The following PXDNL variants were observed in gnomAD, a reference collection of about 807,000 sequenced individuals.
PXDNL encodes peroxidasin like, also known as probable oxidoreductase PXDNL.
In PXDNL, 145 loss-of-function variants were observed where a neutral mutation model predicts 150.8. The observed-to-expected ratio is 0.96, with a 90% CI of 0.84 to 1.10. The LOEUF (loss-of-function observed/expected upper bound fraction) is 1.10. Ranked by LOEUF, PXDNL falls within the 50% of genes least tolerant of loss-of-function variation. The probability of loss-of-function intolerance (pLI) is 0.00; values close to 1 mark genes in which losing one functional copy is unlikely to be tolerated. For missense variants in PXDNL, 2,087 were observed against 1,873.9 expected, an observed-to-expected ratio of 1.11 and a Z score of -2.10; for synonymous variants, 757 against 725.7, an observed-to-expected ratio of 1.04 and a Z score of -0.69.
At chr8:51,666,299 C>T (rs1482590205) in intron 1 of PXDNL, among the ~76,000 whole-genome samples, 1 of 152,118 alleles carries the variant, frequency 6.6e-6, no homozygotes, top group Non-Finnish European at 1.5e-5. Context: ...GTTCTTCTGC[C>T]TGCCTCTGTA....
intron 21 of PXDNL, chr8:51,321,100 C>A (rs1563356180): frequency 4.3e-6 from 2 of 468,108 alleles, no homozygotes; most frequent in African/African-American, 4.0e-5. Context: ...ATAAACAGTT[C>A]TGTAGGTGTT....
intron 1 of PXDNL, among the ~76,000 whole-genome samples, chr8:51,795,462 C>A (rs2037551043): frequency 6.6e-6 from 1 of 152,178 alleles, no homozygotes; most frequent in South Asian, 2.1e-4. Flanking sequence ...GAATACAGTG[C>A]AATCAAATTA....
At chr8:51,534,465 C>A (rs1490645612) in intron 4 of PXDNL, among the ~76,000 whole-genome samples, 3 of 91,932 alleles carry the variant, frequency 3.3e-5, no homozygotes, top group African/African-American at 6.1e-5. Context: ...CCAGCCGCCC[C>A]GTCCGGGAGG....
intron 1 of PXDNL, among the ~76,000 whole-genome samples, chr8:51,658,744 T>C (rs771977093): frequency 3.3e-5 from 5 of 152,214 alleles, no homozygotes; most frequent in African/African-American, 4.8e-5. Context: ...TCATTTCCCA[T>C]GTTATATGGT....
intron 2 of PXDNL, among the ~76,000 whole-genome samples, chr8:51,615,374 GT>G (rs1201786271): frequency 2.0e-5 from 3 of 151,672 alleles, no homozygotes; most frequent in African/African-American, 7.3e-5. Context: ...TATGTAAATG[GT>G]TTTTGCCCAG....
chr8:51,419,432 T>G (rs1241749327), intron 14 of PXDNL, among the ~76,000 whole-genome samples: 1 of 152,200 alleles, frequency 6.6e-6, no homozygotes, highest in Non-Finnish European at 1.5e-5. Flanking sequence ...AACATAGAAA[T>G]TCTATGCCAA....
At chr8:51,549,553 G>A (rs572601269) in intron 4 of PXDNL, among the ~76,000 whole-genome samples, 1 of 151,984 alleles carries the variant, frequency 6.6e-6, no homozygotes, top group Non-Finnish European at 1.5e-5. Flanking sequence ...ACAAATACAT[G>A]GAAATTTAAA....
At chr8:51,468,463 A>G (rs996067938) in intron 8 of PXDNL, among the ~76,000 whole-genome samples, 3 of 150,554 alleles carry the variant, frequency 2.0e-5, no homozygotes, top group Admixed American at 2.0e-4. Flanking sequence ...TTGTTTACCT[A>G]TCGACTTTCC....
At chr8:51,704,980 C>T (rs1343688075) in intron 1 of PXDNL, among the ~76,000 whole-genome samples, 1 of 152,156 alleles carries the variant, frequency 6.6e-6, no homozygotes, top group Non-Finnish European at 1.5e-5. Context: ...ATACTGGAGC[C>T]ATTCAAGTAA....
At chr8:51,652,935 A>C (rs1030667612) in intron 2 of PXDNL, among the ~76,000 whole-genome samples, 1 of 152,326 alleles carries the variant, frequency 6.6e-6, no homozygotes, top group Admixed American at 6.5e-5. Context: ...AAAGTGGCCA[A>C]ACCCCAATAG....
At chr8:51,562,779 T>A (rs1398136238) in intron 3 of PXDNL, among the ~76,000 whole-genome samples, 1 of 151,968 alleles carries the variant, frequency 6.6e-6, no homozygotes, top group Non-Finnish European at 1.5e-5. Flanking sequence ...TAACCTACCA[T>A]GGGACCATAG....
chr8:51,778,762 A>G (rs2037382330), intron 1 of PXDNL, among the ~76,000 whole-genome samples: 1 of 152,198 alleles, frequency 6.6e-6, no homozygotes, highest in South Asian at 2.1e-4. Flanking sequence ...ATGAAAGATA[A>G]TGATAATTCT....
intron 8 of PXDNL, among the ~76,000 whole-genome samples, chr8:51,469,005 C>A (rs1383823142): frequency 1.3e-5 from 2 of 151,948 alleles, no homozygotes; most frequent in Non-Finnish European, 2.9e-5. Context: ...CTTATTGGAT[C>A]AAACTCCTAC....
intron 19 of PXDNL, among the ~76,000 whole-genome samples, chr8:51,363,477 G>C (rs1473423232): frequency 6.6e-6 from 1 of 152,134 alleles, no homozygotes; most frequent in Non-Finnish European, 1.5e-5. Context: ...CCACGTGAGA[G>C]GGTAGTGATT....
intron 9 of PXDNL, among the ~76,000 whole-genome samples, chr8:51,457,070 T>G (rs1031697475): frequency 6.6e-6 from 1 of 152,218 alleles, no homozygotes; most frequent in Admixed American, 6.5e-5. Flanking sequence ...GCAAAGCCCC[T>G]GGAAAGTTGA....
At chr8:51,386,729 A>C (rs1006699783) in intron 17 of PXDNL, among the ~76,000 whole-genome samples, 1 of 151,918 alleles carries the variant, frequency 6.6e-6, no homozygotes. Flanking sequence ...AGGCAGAAAA[A>C]TTGCTTGAAC....
intron 17 of PXDNL, among the ~76,000 whole-genome samples, chr8:51,384,668 C>T (rs544715729): frequency 2.0e-5 from 3 of 152,076 alleles, no homozygotes; most frequent in East Asian, 1.9e-4. Flanking sequence ...ATAACTCAAG[C>T]GACTTTTGTT....
chr8:51,596,362 G>A (rs1252332458), intron 2 of PXDNL, among the ~76,000 whole-genome samples: 1 of 152,120 alleles, frequency 6.6e-6, no homozygotes, highest in Non-Finnish European at 1.5e-5. Context: ...ATTAACATAT[G>A]AGCATATGTG....
chr8:51,755,503 G>A (rs558166570), intron 1 of PXDNL, among the ~76,000 whole-genome samples: 13 of 152,038 alleles, frequency 8.6e-5, no homozygotes, highest in African/African-American at 7.2e-5. Context: ...CATGTTGCAG[G>A]CTGGTCTCAA....
Sources: gnomAD v4.1 joint callset for allele counts (sites outside exome capture counted in the v4.1 genomes callset) on GRCh38, gnomAD v4.1.1 for gene constraint, MANE v1.5 for transcripts, NCBI Gene and HGNC (gene_info 2026-07-23, HGNC 2026-07-21) for gene names.